GLIS3: variants seen among roughly 807,000 people sequenced by gnomAD.
The protein encoded by GLIS3 is zinc finger protein GLIS3.
GLIS3 carries 53 observed loss-of-function variants against 78.6 expected under a neutral mutation model. The observed-to-expected ratio is 0.67, with a 90% CI of 0.54 to 0.85. The LOEUF (loss-of-function observed/expected upper bound fraction) is 0.85. Among genes scored for constraint, GLIS3 ranks in the 40% least tolerant of loss-of-function variants. The pLI is 0.00. For missense variants in GLIS3, 1,703 were observed against 1,231.1 expected (o/e 1.38, Z -5.74); for synonymous variants, 684 against 509.9 (o/e 1.34, Z -4.60).
At chr9:4,469,829 A>C in the GLIS3 span, among the ~76,000 whole-genome samples, 59 of 152,346 alleles carry the variant, frequency 3.9e-4, no homozygotes, top group African/African-American at 7.5e-4. Context: ...CCCTTCAAAA[A>C]ATCAATGAAT....
chr9:4,222,815 G>C (rs1201055776), intron 2 of GLIS3, among the ~76,000 whole-genome samples: 1 of 152,162 alleles, frequency 6.6e-6, no homozygotes, highest in African/African-American at 2.4e-5. Flanking sequence ...TGAGATAAAA[G>C]ACATCAAATT....
At chr9:4,172,691 C>T (rs1228094481) in intron 2 of GLIS3, among the ~76,000 whole-genome samples, 1 of 152,198 alleles carries the variant, frequency 6.6e-6, no homozygotes, top group Non-Finnish European at 1.5e-5. Context: ...TGCCTGTCCT[C>T]TCCACAGGTT....
chr9:3,941,628 T>C (rs1815926480), intron 4 of GLIS3, among the ~76,000 whole-genome samples: 1 of 152,158 alleles, frequency 6.6e-6, no homozygotes, highest in Non-Finnish European at 1.5e-5. Flanking sequence ...CATTTTCTGT[T>C]TGCACATTTC....
intron 4 of GLIS3, among the ~76,000 whole-genome samples, chr9:3,983,749 T>C (rs1002447270): frequency 1.9e-4 from 29 of 152,186 alleles, no homozygotes; most frequent in African/African-American, 7.0e-4. Context: ...TTAGGGTATC[T>C]GGCGAAAGAA....
At chr9:4,063,561 A>C (rs1826836258) in intron 4 of GLIS3, among the ~76,000 whole-genome samples, 1 of 147,636 alleles carries the variant, frequency 6.8e-6, no homozygotes, top group South Asian at 2.1e-4. Context: ...TCATGATTTA[A>C]AAAAAAAAAA....
At chr9:4,337,174 A>C (rs978505070) in intron 2 of GLIS3, among the ~76,000 whole-genome samples, 3 of 152,256 alleles carry the variant, frequency 2.0e-5, no homozygotes, top group Non-Finnish European at 2.9e-5. Flanking sequence ...AATCATTAAA[A>C]GTGCAAATCA....
At chr9:4,249,170 T>C (rs930820137) in intron 2 of GLIS3, among the ~76,000 whole-genome samples, 21 of 152,272 alleles carry the variant, frequency 1.4e-4, no homozygotes, top group African/African-American at 3.6e-4. Context: ...GTAAAGAAAA[T>C]AGCTTGATGG....
At chr9:4,453,806 C>G in the GLIS3 span, among the ~76,000 whole-genome samples, 2 of 151,784 alleles carry the variant, frequency 1.3e-5, no homozygotes, top group Non-Finnish European at 2.9e-5. Flanking sequence ...AATGAGAACA[C>G]TTGGACACAG....
chr9:3,989,603 T>C (rs12002193), intron 4 of GLIS3, among the ~76,000 whole-genome samples: 8,608 of 152,176 alleles, frequency 0.057, 517 homozygotes, highest in African/African-American at 0.15. Context: ...CCAGTGAATT[T>C]AGCTGAGTGA....
At position 4,127,202 on chromosome 9, in the gene GLIS3, A is replaced by C. The variant is rs16920722; in HGVS notation, c.389-1261T>G. Among the ~76,000 whole-genome samples the C allele has an allele frequency of 5.6e-3, 848 of 152,288 alleles. 10 individuals are homozygous for C. The highest frequency in any genetic ancestry group is 0.02 in the African/African-American group (821 of 41,536). The stretch of plus-strand genomic sequence containing the variant: ...CTAGTGCAGACTTATGGGACACTAA[A>C]ATCCAAGTGGTAATTGACCTGCACA... On this transcript the variant is annotated intron_variant, in intron 2 of 10. Transcript: ENST00000381971.
chr9:4,301,501 A>T (rs1204673408), upstream of GLIS3, among the ~76,000 whole-genome samples: 4 of 152,178 alleles, frequency 2.6e-5, no homozygotes, highest in Non-Finnish European at 5.9e-5. Flanking sequence ...TTCACATAAA[A>T]ACTCTTCCTC....
chr9:4,414,729 C>G, the GLIS3 span, among the ~76,000 whole-genome samples: 1 of 152,062 alleles, frequency 6.6e-6, no homozygotes. Flanking sequence ...TAGCAAGAAC[C>G]CTGCTAAATT....
intron 4 of GLIS3, among the ~76,000 whole-genome samples, chr9:4,116,653 A>G (rs1367321928): frequency 6.6e-6 from 1 of 152,216 alleles, no homozygotes; most frequent in Non-Finnish European, 1.5e-5. Context: ...CACATAGTCC[A>G]GATTCTTTTT....
chr9:4,463,625 A>C, the GLIS3 span, among the ~76,000 whole-genome samples: 1 of 152,228 alleles, frequency 6.6e-6, no homozygotes, highest in Non-Finnish European at 1.5e-5. Context: ...GAATACACTT[A>C]TTTTAACCCG....
chr9:4,387,095 G>T, the GLIS3 span, among the ~76,000 whole-genome samples: 9 of 152,208 alleles, frequency 5.9e-5, no homozygotes, highest in Non-Finnish European at 1.3e-4. Flanking sequence ...TTGGTTAAAA[G>T]ATTTAATGGC....
chr9:4,365,835 G>A, the GLIS3 span, among the ~76,000 whole-genome samples: 1 of 152,164 alleles, frequency 6.6e-6, no homozygotes, highest in East Asian at 1.9e-4. Flanking sequence ...ATTCATTTGA[G>A]GTATCAATAT....
the GLIS3 span, among the ~76,000 whole-genome samples, chr9:4,442,421 C>A: frequency 6.6e-6 from 1 of 152,120 alleles, no homozygotes; most frequent in Admixed American, 6.5e-5. Context: ...CTCCCCACCC[C>A]CTAAAGAATT....
At chr9:3,875,180 A>T (rs1165805138) in intron 8 of GLIS3, among the ~76,000 whole-genome samples, 1 of 152,214 alleles carries the variant, frequency 6.6e-6, no homozygotes, top group Non-Finnish European at 1.5e-5. Context: ...ATAAAGTACC[A>T]CTGGCTCATT....
chr9:4,366,493 T>G, the GLIS3 span, among the ~76,000 whole-genome samples: 1 of 151,946 alleles, frequency 6.6e-6, no homozygotes, highest in Non-Finnish European at 1.5e-5. Context: ...AGCTTGGGGG[T>G]CATAAAGACA....
Sources: gnomAD v4.1 joint callset for allele counts (sites outside exome capture counted in the v4.1 genomes callset) on GRCh38, gnomAD v4.1.1 for gene constraint, MANE v1.5 for transcripts, NCBI Gene and HGNC (gene_info 2026-07-23, HGNC 2026-07-21) for gene names.